VSTM4: variants seen among roughly 807,000 people sequenced by gnomAD.
VSTM4 encodes the protein V-set and transmembrane domain containing 4.
VSTM4 carries 20 observed loss-of-function variants against 36.4 expected under a neutral mutation model. The observed-to-expected ratio is 0.55, with a 90% confidence interval of 0.39 to 0.80. The LOEUF (loss-of-function observed/expected upper bound fraction) is 0.80, where lower values mean the gene tolerates loss of function less well. VSTM4 is among the 30% of genes least tolerant of loss of function. The pLI is 0.00. For missense variants in VSTM4, 392 were observed against 404.5 expected (o/e 0.97, Z 0.26); for synonymous variants, 182 against 173.9 (o/e 1.05, Z -0.37).
chr10:49,069,133 G>T (rs1844027715), intron 4 of VSTM4, among the ~76,000 whole-genome samples: 3 of 151,924 alleles, frequency 2.0e-5, no homozygotes, highest in African/African-American at 7.3e-5. Flanking sequence ...TCCCCATCTA[G>T]ACCTGTCCCT....
chr10:49,075,205 T>C (rs951148719), intron 4 of VSTM4, among the ~76,000 whole-genome samples: 1 of 152,258 alleles, frequency 6.6e-6, no homozygotes. Flanking sequence ...TGCTTGCACA[T>C]GTCCCAGTCT....
intron 7 of VSTM4, among the ~76,000 whole-genome samples, chr10:49,029,864 G>A (rs1366610849): frequency 6.6e-6 from 1 of 152,212 alleles, no homozygotes; most frequent in Non-Finnish European, 1.5e-5. Context: ...TGAGGCCACA[G>A]AACCCAAGAC....
intron 1 of VSTM4, among the ~76,000 whole-genome samples, chr10:49,114,060 A>C (rs1844945401): frequency 6.6e-6 from 1 of 152,132 alleles, no homozygotes; most frequent in Non-Finnish European, 1.5e-5. Flanking sequence ...GAGAGGAAGG[A>C]CCACTGGCTG....
chr10:49,040,971 G>C (rs1347915189), intron 7 of VSTM4, among the ~76,000 whole-genome samples: 1 of 152,132 alleles, frequency 6.6e-6, no homozygotes, highest in Non-Finnish European at 1.5e-5. Flanking sequence ...TACAAAATTA[G>C]ACACCTAAAT....
At chr10:49,114,639 G>A (rs56678944) in intron 1 of VSTM4, among the ~76,000 whole-genome samples, 4,728 of 151,342 alleles carry the variant, frequency 0.031, 237 homozygotes, top group African/African-American at 0.11. Flanking sequence ...TTATTACTTG[G>A]AAGTGTTGTA....
At chr10:49,035,249 C>T (rs527423449) in intron 7 of VSTM4, among the ~76,000 whole-genome samples, 112 of 152,354 alleles carry the variant, frequency 7.4e-4, no homozygotes, top group African/African-American at 2.6e-3. Flanking sequence ...GCTCATGCTC[C>T]CACCTCTCTG....
chr10:49,051,866 C>T (rs973173209), intron 5 of VSTM4, among the ~76,000 whole-genome samples: 15 of 152,142 alleles, frequency 9.9e-5, no homozygotes, highest in Admixed American at 6.5e-5. Flanking sequence ...TACAAATTTT[C>T]AACCCTTCCT....
At chr10:49,081,162 C>A (rs966591507) in intron 3 of VSTM4, among the ~76,000 whole-genome samples, 2 of 152,164 alleles carry the variant, frequency 1.3e-5, no homozygotes, top group African/African-American at 4.8e-5. Context: ...GCCAGTCCTG[C>A]CTTTCCACAT....
chr10:49,099,285 G>C (rs1053111590), intron 2 of VSTM4, among the ~76,000 whole-genome samples: 3 of 152,238 alleles, frequency 2.0e-5, no homozygotes, highest in South Asian at 4.1e-4. Flanking sequence ...TTCGCAGAGA[G>C]AGCCTCCCAG....
chr10:49,025,762 TGCA>T (rs1255659812), intron 7 of VSTM4, among the ~76,000 whole-genome samples: 3 of 152,258 alleles, frequency 2.0e-5, no homozygotes, highest in African/African-American at 4.8e-5. Context: ...ACGGGCTAGC[TGCA>T]GGACATTCCT....
chr10:49,092,959 C>A (rs1208740997), intron 2 of VSTM4, among the ~76,000 whole-genome samples: 1 of 152,140 alleles, frequency 6.6e-6, no homozygotes, highest in Admixed American at 6.5e-5. Flanking sequence ...AGAGCTGGGG[C>A]CACAGAGCAG....
intron 7 of VSTM4, among the ~76,000 whole-genome samples, chr10:49,046,082 C>A (rs1843606616): frequency 6.6e-6 from 1 of 152,166 alleles, no homozygotes; most frequent in African/African-American, 2.4e-5. Context: ...GCCTGCTTCC[C>A]CTTCCACCAT....
rs7899524 is a variant in VSTM4 at position 49,099,072 on chromosome 10, C to A, written c.457+8522G>T. On this transcript the variant is annotated intron_variant, in intron 2 of 7. Coordinates refer to ENST00000332853, the MANE Select transcript of VSTM4 (RefSeq NM_001031746.5). ...TTTGCCTCTCTTCTCTAGCTTAAAT[C>A]TGTCTGTCTGGAAATGAAGTTCCCA... Among the ~76,000 whole-genome samples the A allele has an allele frequency of 2.0e-5, 3 of 152,112 alleles. No individual in the cohort carries two copies. In the South Asian group the frequency reaches 6.2e-4, roughly 32 times the overall value.
intron 7 of VSTM4, among the ~76,000 whole-genome samples, chr10:49,023,174 G>T (rs570467653): frequency 6.6e-6 from 1 of 152,200 alleles, no homozygotes; most frequent in Admixed American, 6.5e-5. Context: ...TTGAAGATAC[G>T]AGGCAGCTCA....
chr10:49,099,911 G>A (rs1844637244), intron 2 of VSTM4, among the ~76,000 whole-genome samples: 1 of 152,172 alleles, frequency 6.6e-6, no homozygotes, highest in Non-Finnish European at 1.5e-5. Flanking sequence ...AGCTACTTGA[G>A]AGGCTGAGGC....
chr10:49,038,135 G>A (rs903446388), intron 7 of VSTM4, among the ~76,000 whole-genome samples: 2 of 152,106 alleles, frequency 1.3e-5, no homozygotes, highest in Admixed American at 6.6e-5. Flanking sequence ...TTAAAAGCAA[G>A]AACTCAAACA....
At chr10:49,086,066 CCACATGGTA>C (rs755586169) in intron 2 of VSTM4, 43 bp from the exon 3 acceptor site, 28 of 1,297,958 alleles carry the variant, frequency 2.2e-5, no homozygotes. Flanking sequence ...AAAAATAATG[CCACATGGTA>C]CACATGGCAC....
intron 7 of VSTM4, among the ~76,000 whole-genome samples, chr10:49,038,802 G>A (rs1045622200): frequency 1.3e-5 from 2 of 152,200 alleles, no homozygotes; most frequent in South Asian, 2.1e-4. Flanking sequence ...GAGGACCCCC[G>A]TTAGGGGACC....
At position 49,084,322 on chromosome 10, in the gene VSTM4, A is replaced by G. The variant is rs535899326; in HGVS notation, c.526+1633T>C. Among the ~76,000 whole-genome samples the G allele has an allele frequency of 7.2e-5, 11 of 152,376 alleles. No homozygotes were observed. The South Asian group carries it at 2.3e-3, about 32-fold the overall frequency. On this transcript the variant is annotated intron_variant, in intron 3 of 7. Coordinates refer to ENST00000332853, the MANE Select transcript of VSTM4 (RefSeq NM_001031746.5). ...AAAATGCAGAGAAACATCAGGAAAT[A>G]CAAAGAATCACTGTTGGATTCTCAT...
Sources: allele counts gnomAD v4.1 joint callset (sites outside exome capture counted in the v4.1 genomes callset), GRCh38; gene constraint gnomAD v4.1.1; transcripts MANE v1.5; gene names NCBI Gene and HGNC (gene_info 2026-07-23, HGNC 2026-07-21).